Variants in XYLT1 observed in about 807,000 individuals in gnomAD.
The protein encoded by XYLT1 is beta-D-xylosyltransferase 1.
A neutral mutation model predicts 91.3 loss-of-function variants in XYLT1; 36 were observed. The ratio of observed to expected loss-of-function variants is 0.39; its 90% CI spans 0.30 to 0.52. The LOEUF (loss-of-function observed/expected upper bound fraction) is 0.52. XYLT1 is among the 20% of genes least tolerant of loss of function. The pLI is 0.68. For missense variants in XYLT1, 1,242 were observed against 1,284.5 expected (o/e 0.97, Z 0.51); for synonymous variants, 588 against 532.0 (o/e 1.11, Z -1.45).
chr16:17,126,641 T>C (rs574510977), intron 10 of XYLT1, among the ~76,000 whole-genome samples: 15 of 152,320 alleles, frequency 9.8e-5, no homozygotes, highest in Admixed American at 5.9e-4. Flanking sequence ...AGATGTACCA[T>C]AGTCTACAAT....
chr16:17,122,822 C>A (rs1462800483), intron 10 of XYLT1, among the ~76,000 whole-genome samples: 1 of 152,210 alleles, frequency 6.6e-6, no homozygotes, highest in Non-Finnish European at 1.5e-5. Flanking sequence ...ATTATTTCTG[C>A]ACCATTTGTT....
In XYLT1 at chr16:17,444,651, T is replaced by G. The variant is rs141105980; in HGVS notation, c.363+25783A>C. Among the ~76,000 whole-genome samples, 450 of 152,234 alleles carry G rather than the reference T, an allele frequency of 3.0e-3. 23 individuals carry two copies. In the East Asian group the frequency reaches 0.061, roughly 21 times the overall value. ...ACAAGACACCATGCCCAGCTCACCA[T>G]TTTATTGTAGGTGCCTAGGAGAGCA... On this transcript the variant is annotated intron_variant, in intron 1 of 11. Coordinates refer to ENST00000261381, the MANE Select transcript of XYLT1 (RefSeq NM_022166.4).
At chr16:17,332,603 CA>C (rs936527375) in intron 2 of XYLT1, among the ~76,000 whole-genome samples, 58 of 150,544 alleles carry the variant, frequency 3.9e-4, no homozygotes, top group Middle Eastern at 3.4e-3. Context: ...CACACACACA[CA>C]CACACACGGC....
At chr16:17,242,764 C>A (rs1329028718) in intron 3 of XYLT1, among the ~76,000 whole-genome samples, 1 of 152,172 alleles carries the variant, frequency 6.6e-6, no homozygotes, top group African/African-American at 2.4e-5. Flanking sequence ...AAAAACAAAT[C>A]CCTGTTTCTC....
chr16:17,346,728 A>C (rs1361650186), intron 2 of XYLT1, among the ~76,000 whole-genome samples: 4 of 152,160 alleles, frequency 2.6e-5, no homozygotes, highest in Admixed American at 2.6e-4. Context: ...GAGACTGGTC[A>C]TCTGACCAAG....
chr16:17,112,367 G>A (rs1445911811), intron 11 of XYLT1, among the ~76,000 whole-genome samples: 2 of 152,004 alleles, frequency 1.3e-5, no homozygotes, highest in Non-Finnish European at 2.9e-5. Flanking sequence ...AAGGACAGGA[G>A]GGCTGCTCTC....
chr16:17,137,416 T>G (rs2030777056), intron 8 of XYLT1: 1 of 152,182 alleles, frequency 6.6e-6, no homozygotes, highest in Non-Finnish European at 1.5e-5. Context: ...TGTTAGTGGT[T>G]TGGGAAGTAG....
chr16:17,265,418 A>G (rs999253595), intron 2 of XYLT1, among the ~76,000 whole-genome samples: 30 of 152,270 alleles, frequency 2.0e-4, no homozygotes, highest in Admixed American at 3.3e-4. Flanking sequence ...CTCTTCATCA[A>G]TCCAACTCTC....
chr16:17,254,805 A>T (rs1041841826), intron 3 of XYLT1, among the ~76,000 whole-genome samples: 1 of 152,166 alleles, frequency 6.6e-6, no homozygotes, highest in Non-Finnish European at 1.5e-5. Flanking sequence ...GGCTATTATC[A>T]GTTAAGGTTT....
chr16:17,135,901 A>G (rs2030700697), intron 8 of XYLT1, among the ~76,000 whole-genome samples: 2 of 152,238 alleles, frequency 1.3e-5, no homozygotes, highest in South Asian at 4.1e-4. Context: ...GTTCCAACTA[A>G]ACTTCATTTA....
chr16:17,181,349 T>C (rs770934635), intron 5 of XYLT1, among the ~76,000 whole-genome samples: 1 of 152,010 alleles, frequency 6.6e-6, no homozygotes, highest in African/African-American at 2.4e-5. Flanking sequence ...AATAGAGACA[T>C]AAAATATAAG....
At chr16:17,456,419 C>A (rs1047200362) in intron 1 of XYLT1, among the ~76,000 whole-genome samples, 1 of 150,242 alleles carries the variant, frequency 6.7e-6, no homozygotes, top group African/African-American at 2.5e-5. Context: ...CTCACAGCAG[C>A]CTCAACCTCC....
chr16:17,452,401 T>C (rs1450290062), intron 1 of XYLT1, among the ~76,000 whole-genome samples: 1 of 148,544 alleles, frequency 6.7e-6, no homozygotes, highest in Non-Finnish European at 1.5e-5. Context: ...GGCAGGAGGG[T>C]GGCTTCAGAC....
intron 2 of XYLT1, among the ~76,000 whole-genome samples, chr16:17,321,492 G>C (rs1162789723): frequency 6.6e-6 from 1 of 151,156 alleles, no homozygotes; most frequent in South Asian, 2.1e-4. Flanking sequence ...CAAGTAGCTG[G>C]GATTACAGGA....
At chr16:17,362,129 G>C (rs1312552475) in intron 1 of XYLT1, among the ~76,000 whole-genome samples, 1 of 152,092 alleles carries the variant, frequency 6.6e-6, no homozygotes, top group Non-Finnish European at 1.5e-5. Flanking sequence ...GAGCTCTGCT[G>C]GAAAATATAT....
At chr16:17,264,374 C>A (rs545321454) in intron 2 of XYLT1, among the ~76,000 whole-genome samples, 1 of 152,326 alleles carries the variant, frequency 6.6e-6, no homozygotes, top group South Asian at 2.1e-4. Flanking sequence ...ATAATGTCCT[C>A]AGAGTTCATC....
intron 2 of XYLT1, among the ~76,000 whole-genome samples, chr16:17,327,976 A>G (rs535767520): frequency 2.0e-5 from 3 of 152,218 alleles, no homozygotes; most frequent in Non-Finnish European, 2.9e-5. Context: ...TGCCTTGACT[A>G]TCGTTACTCT....
At chr16:17,303,357 G>A (rs1045490923) in intron 2 of XYLT1, among the ~76,000 whole-genome samples, 1 of 152,322 alleles carries the variant, frequency 6.6e-6, no homozygotes. Flanking sequence ...ACTGCTTAGC[G>A]GTGACAGAGC....
intron 2 of XYLT1, among the ~76,000 whole-genome samples, chr16:17,316,716 C>T (rs73531413): frequency 0.012 from 1,866 of 151,410 alleles, 41 homozygotes; most frequent in African/African-American, 0.043. Flanking sequence ...GCTCTTGAGG[C>T]TCTGTTTTAC....
Sources: allele counts gnomAD v4.1 joint callset (sites outside exome capture counted in the v4.1 genomes callset), GRCh38; gene constraint gnomAD v4.1.1; transcripts MANE v1.5; gene names NCBI Gene and HGNC (gene_info 2026-07-23, HGNC 2026-07-21).